The following TTC29 variants were observed in gnomAD, a reference collection of about 807,000 sequenced individuals.
TTC29 encodes the protein tetratricopeptide repeat domain 29.
Under a neutral mutation model 58.1 loss-of-function variants are expected in TTC29, and 49 were observed. The ratio of observed to expected loss-of-function variants is 0.84; its 90% CI spans 0.67 to 1.07. The LOEUF is 1.07. Ranked by LOEUF, TTC29 falls within the 50% of genes least tolerant of loss-of-function variation. The pLI is 0.00. For synonymous variants in TTC29, 209 were observed against 196.8 expected, an observed-to-expected ratio of 1.06 and a Z score of -0.52; for missense variants, 582 against 555.6, an observed-to-expected ratio of 1.05 and a Z score of -0.48.
chr4:146,844,745 C>T (rs1346815988), intron 8 of TTC29, among the ~76,000 whole-genome samples: 1 of 152,102 alleles, frequency 6.6e-6, no homozygotes, highest in Non-Finnish European at 1.5e-5. Context: ...TGCTAGGAAG[C>T]CTTGAAGAAT....
chr4:146,831,817 T>A (rs1171923863), intron 9 of TTC29: 2 of 414,306 alleles, frequency 4.8e-6, no homozygotes, highest in Non-Finnish European at 9.9e-6. Flanking sequence ...AAAATAATTA[T>A]AAAGACCATC....
chr4:146,857,064 A>T (rs1489750250), intron 8 of TTC29, among the ~76,000 whole-genome samples: 2 of 127,988 alleles, frequency 1.6e-5, no homozygotes, highest in Non-Finnish European at 3.2e-5. Flanking sequence ...ATATTTTTAT[A>T]CTATGCCTTA....
intron 11 of TTC29, among the ~76,000 whole-genome samples, chr4:146,721,830 G>T (rs987989566): frequency 6.6e-6 from 1 of 152,138 alleles, no homozygotes. Flanking sequence ...GCAAGAGAAA[G>T]AAGTAGAAAG....
At position 146,861,188 on chromosome 4, in the gene TTC29, C is replaced by T. The variant is rs184812137; in HGVS notation, c.885+6310G>A. Among the ~76,000 whole-genome samples the T allele has an allele frequency of 1.8e-3, 279 of 152,282 alleles. 2 individuals carry two copies. Among genetic ancestry groups the T allele is most frequent in the Non-Finnish European group, 2.9e-3 (196 of 67,988 alleles). On this transcript the variant is annotated intron_variant, in intron 8 of 12. Coordinates refer to ENST00000325106, the MANE Select transcript of TTC29 (RefSeq NM_031956.4). ...AACGAACGGCTAAGAGAGGCCATTCCTTTTCCTTAAAATAACTTTACGTTG... is the reference window on the plus strand; with the variant it reads ...AACGAACGGCTAAGAGAGGCCATTCTTTTTCCTTAAAATAACTTTACGTTG...
intron 10 of TTC29, among the ~76,000 whole-genome samples, chr4:146,810,054 A>T (rs1039157933): frequency 1.3e-5 from 2 of 152,224 alleles, no homozygotes; most frequent in Non-Finnish European, 2.9e-5. Context: ...AAAATGTGGG[A>T]CATATACACC....
At chr4:146,781,408 C>T (rs1037270290) in intron 11 of TTC29, among the ~76,000 whole-genome samples, 7 of 151,850 alleles carry the variant, frequency 4.6e-5, no homozygotes, top group African/African-American at 1.7e-4. Context: ...TTTTAAGGCT[C>T]CTGAAACTGA....
Position 146,933,087 on chromosome 4 carries a change from GTTCT to G in TTC29, c.176+4503_176+4506del, listed in dbSNP as rs369899910. ...AAAAAAAAAAGATATGAAGTAAATT[GTTCT>G]TTGTTTCTTTACAGCCCAAACTCAC... is the stretch of plus-strand genomic sequence containing the variant. On this transcript the variant is annotated intron_variant, in intron 4 of 12. Transcript: ENST00000325106. 5.3e-4 allele frequency among the ~76,000 whole-genome samples: 80 copies of G among 151,550 alleles called. 1 individual carries two copies. Among genetic ancestry groups the G allele is most frequent in the African/African-American group, 1.8e-3 (74 of 41,320 alleles).
chr4:146,802,835 T>C (rs1750325904), intron 11 of TTC29, among the ~76,000 whole-genome samples: 1 of 152,206 alleles, frequency 6.6e-6, no homozygotes, highest in Non-Finnish European at 1.5e-5. Flanking sequence ...AATATCCCAT[T>C]CTAAAGTTCT....
At chr4:146,911,216 A>G (rs1733874967) in intron 4 of TTC29, among the ~76,000 whole-genome samples, 1 of 152,210 alleles carries the variant, frequency 6.6e-6, no homozygotes, top group African/African-American at 2.4e-5. Context: ...TGAATGGTAT[A>G]GGAGAAGGGA....
intron 10 of TTC29, among the ~76,000 whole-genome samples, chr4:146,810,973 T>C (rs902591205): frequency 6.6e-6 from 1 of 152,204 alleles, no homozygotes; most frequent in Non-Finnish European, 1.5e-5. Context: ...ACTGCTCTTA[T>C]TTTCCCATGT....
chr4:146,859,752 A>G (rs1289769396), intron 8 of TTC29, among the ~76,000 whole-genome samples: 1 of 152,174 alleles, frequency 6.6e-6, no homozygotes, highest in Non-Finnish European at 1.5e-5. Flanking sequence ...GGAGTGACAT[A>G]AAGATATGGG....
At chr4:146,937,359 A>C (rs1443897004) in intron 4 of TTC29, among the ~76,000 whole-genome samples, 1 of 152,050 alleles carries the variant, frequency 6.6e-6, no homozygotes. Context: ...AAATATTGCA[A>C]ATGTGATAGT....
chr4:146,833,985 A>G lies in TTC29; in HGVS notation c.886-88T>C, dbSNP rs577747616. 7.7e-6 allele frequency: 7 copies of G among 913,356 alleles called. No homozygotes were observed. In the East Asian group the frequency reaches 8.6e-5, roughly 11 times the overall value. The allele number at this position is 913,356 out of a possible 1,614,324, so 56.6% of individuals were successfully genotyped here. ...CATAACAGAAAAAAATAAAATTAAT[A>G]GTTGGTTTTAATGTCTCTATAAAAA... On this transcript the variant is annotated intron_variant, in intron 8 of 12. Transcript: ENST00000325106.
At chr4:146,756,512 A>T (rs1380375808) in intron 11 of TTC29, among the ~76,000 whole-genome samples, 2 of 152,144 alleles carry the variant, frequency 1.3e-5, no homozygotes, top group Non-Finnish European at 2.9e-5. Context: ...GTAAGAGTAA[A>T]GGCATAGTTC....
Position 146,849,301 on chromosome 4 carries a change from A to G in TTC29, c.886-15404T>C, listed in dbSNP as rs570938361. 3.5e-3 allele frequency among the ~76,000 whole-genome samples: 532 copies of G among 152,314 alleles called. 3 individuals carry two copies. Among genetic ancestry groups the G allele is most frequent in the Non-Finnish European group, 6.1e-3 (413 of 68,028 alleles). On this transcript the variant is annotated intron_variant, in intron 8 of 12. Transcript: ENST00000325106. ...CTGAGTGCCTTGCTCTGGAGTACAC[A>G]GTGAATTGGTGAAGGAGAAAGGATT... is the stretch of plus-strand genomic sequence containing the variant.
intron 11 of TTC29, among the ~76,000 whole-genome samples, chr4:146,802,498 G>A (rs1023829999): frequency 1.3e-5 from 2 of 152,104 alleles, no homozygotes; most frequent in Admixed American, 6.5e-5. Flanking sequence ...ACTAGAGGAC[G>A]GTGGGTAGTT....
chr4:146,775,541 T>C (rs528741129), intron 11 of TTC29, among the ~76,000 whole-genome samples: 2 of 151,566 alleles, frequency 1.3e-5, no homozygotes, highest in South Asian at 4.2e-4. Context: ...TTGGTTGAAA[T>C]TTCTTTTTTT....
intron 11 of TTC29, among the ~76,000 whole-genome samples, chr4:146,728,085 A>T (rs1188591606): frequency 2.0e-5 from 3 of 152,042 alleles, no homozygotes; most frequent in Admixed American, 2.0e-4. Context: ...TTAGGCATTC[A>T]AGATCAGCCT....
chr4:146,834,238 T>C (rs905554099), intron 8 of TTC29, among the ~76,000 whole-genome samples: 2 of 152,210 alleles, frequency 1.3e-5, no homozygotes, highest in African/African-American at 2.4e-5. Context: ...TAACGTAATA[T>C]AAGGCAGATT....
Sources: allele counts gnomAD v4.1 joint callset (sites outside exome capture counted in the v4.1 genomes callset), GRCh38; gene constraint gnomAD v4.1.1; transcripts MANE v1.5; gene names NCBI Gene and HGNC (gene_info 2026-07-23, HGNC 2026-07-21).